WDR33: variants seen among roughly 807,000 people sequenced by gnomAD.
The protein encoded by WDR33 is WD repeat domain 33.
A neutral mutation model predicts 164.9 loss-of-function variants in WDR33; 47 were observed. The ratio of observed to expected loss-of-function variants is 0.29; its 90% CI spans 0.23 to 0.36. The LOEUF is 0.36. WDR33 is among the 10% of genes least tolerant of loss of function. The pLI, the probability that WDR33 is intolerant of heterozygous loss-of-function variation, is 1.00. For missense variants in WDR33, 1,137 were observed against 1,754.1 expected, an observed-to-expected ratio of 0.65 and a Z score of 6.28; for synonymous variants, 505 against 589.0, an observed-to-expected ratio of 0.86 and a Z score of 2.06.
intron 1 of WDR33, among the ~76,000 whole-genome samples, chr2:127,771,667 AT>A (rs1349336403): frequency 3.3e-5 from 5 of 152,054 alleles, no homozygotes; most frequent in African/African-American, 4.8e-5. Flanking sequence ...AGTCCTAGCT[AT>A]TTGGGAGGCT....
intron 7 of WDR33, among the ~76,000 whole-genome samples, chr2:127,743,292 GTAA>G (rs1361028532): frequency 2.0e-5 from 3 of 152,124 alleles, no homozygotes; most frequent in Admixed American, 6.5e-5. Flanking sequence ...AACAGGAAAG[GTAA>G]TAATAAATTG....
At position 127,725,042 on chromosome 2, in the gene WDR33, G is replaced by A. The variant is rs751827965; in HGVS notation, c.1006+19C>T. 4 of 1,613,874 alleles carry A rather than the reference G, an allele frequency of 2.5e-6. No individual in the cohort carries two copies. Among genetic ancestry groups the A allele is most frequent in the Admixed American group, 1.7e-5 (1 of 59,986 alleles). On this transcript the variant is annotated intron_variant, in intron 9 of 21. Coordinates refer to ENST00000322313, the MANE Select transcript of WDR33 (RefSeq NM_018383.5). ...TACAGGTAACAGTGGTCAATGAGAA[G>A]CATATCACAGCCACTGACCTGTGGC... is the stretch of plus-strand genomic sequence containing the variant.
At position 127,763,197 on chromosome 2, in the gene WDR33, G is replaced by A. The variant is rs1687728673; in HGVS notation, c.627-38C>T. 1.2e-6 allele frequency: 2 copies of A among 1,613,422 alleles called. No individual in the cohort carries two copies. Among genetic ancestry groups the A allele is most frequent in the Non-Finnish European group, 1.7e-6 (2 of 1,179,612 alleles). On this transcript the variant is annotated intron_variant, in intron 6 of 21. Transcript: ENST00000322313. The surrounding 1 kb of genome is among the most constrained non-coding windows in gnomAD (Gnocchi z 4.5). ...GACACACAGCAGGGGAAAGAAGTCA[G>A]CATTTAACAGATAATCTGTGCTTCT...
At chr2:127,754,159 T>C (rs1377161270) in intron 7 of WDR33, among the ~76,000 whole-genome samples, 1 of 152,238 alleles carries the variant, frequency 6.6e-6, no homozygotes, top group Non-Finnish European at 1.5e-5. Flanking sequence ...ATAGTGTTAA[T>C]AACATTATCC....
intron 7 of WDR33, among the ~76,000 whole-genome samples, chr2:127,745,729 G>C (rs770910392): frequency 3.3e-5 from 5 of 152,046 alleles, no homozygotes; most frequent in Admixed American, 6.6e-5. Flanking sequence ...CTACCAAAAA[G>C]TACAAGTGGA....
chr2:127,737,212 G>A (rs1686870161), intron 7 of WDR33: 2 of 985,228 alleles, frequency 2.0e-6, no homozygotes, highest in African/African-American at 3.5e-5. Flanking sequence ...CCTCAATTCT[G>A]TTGTATTCAT....
intron 1 of WDR33, among the ~76,000 whole-genome samples, chr2:127,791,577 T>C (rs1688846847): frequency 6.6e-6 from 1 of 152,118 alleles, no homozygotes; most frequent in Non-Finnish European, 1.5e-5. Flanking sequence ...CCCAACCTCA[T>C]GACCTCAGCT....
intron 18 of WDR33, among the ~76,000 whole-genome samples, chr2:127,711,780 A>ATATTTTTTTT: frequency 3.1e-4 from 27 of 88,300 alleles, no homozygotes; most frequent in African/African-American, 1.4e-3. Context: ...ATATATATAT[A>ATATTTTTTTT]TTTTTTTTTT....
intron 7 of WDR33, among the ~76,000 whole-genome samples, chr2:127,757,985 C>T (rs551337701): frequency 1.4e-4 from 21 of 152,042 alleles, no homozygotes; most frequent in Admixed American, 2.0e-4. Context: ...GTGGTGAGTA[C>T]GTAAGTGTTC....
intron 7 of WDR33, among the ~76,000 whole-genome samples, chr2:127,758,349 T>C (rs895513864): frequency 6.6e-6 from 1 of 152,190 alleles, no homozygotes; most frequent in Non-Finnish European, 1.5e-5. Context: ...GCATGAATAT[T>C]GGAGCCAAAC....
At chr2:127,769,357 G>T (rs1435424772) in intron 2 of WDR33, among the ~76,000 whole-genome samples, 1 of 152,068 alleles carries the variant, frequency 6.6e-6, no homozygotes, top group Non-Finnish European at 1.5e-5. Flanking sequence ...CTTGAACCAG[G>T]GAGGCGGAGG....
At chr2:127,707,892 T>G (rs1686057678) in intron 21 of WDR33, among the ~76,000 whole-genome samples, 1 of 151,746 alleles carries the variant, frequency 6.6e-6, no homozygotes, top group Admixed American at 6.6e-5. Context: ...GAGGCGGGGG[T>G]TGCTTGCAGT....
In WDR33 at chr2:127,770,156, A is replaced by T. The variant is rs1254882634; in HGVS notation, c.204+622T>A. Among the ~76,000 whole-genome samples, 1 of 152,200 alleles carries T rather than the reference A, an allele frequency of 6.6e-6. No homozygotes were observed. Among genetic ancestry groups the T allele is most frequent in the Non-Finnish European group, 1.5e-5 (1 of 68,026 alleles). ...CTGCAGGTTTAACAAGTGTTTTAAG[A>T]CTGGCCTAGCGATTAAAGTACTCCC... On this transcript the variant is annotated intron_variant, in intron 2 of 21. Transcript: ENST00000322313. The surrounding 1 kb of genome is among the most constrained non-coding windows in gnomAD (Gnocchi z 4.9).
intron 1 of WDR33, among the ~76,000 whole-genome samples, chr2:127,795,109 T>TTTTC (rs1024985725): frequency 6.7e-6 from 1 of 149,628 alleles, no homozygotes; most frequent in African/African-American, 2.5e-5. Flanking sequence ...TCTCTTTTTT[T>TTTTC]TTTTTTTTTG....
chr2:127,807,478 A>G (rs1305456121), intron 1 of WDR33, among the ~76,000 whole-genome samples: 1 of 152,216 alleles, frequency 6.6e-6, no homozygotes, highest in Non-Finnish European at 1.5e-5. Flanking sequence ...GGATCTGCTC[A>G]AAATGGTAAG....
intron 1 of WDR33, among the ~76,000 whole-genome samples, chr2:127,784,314 A>C (rs904283148): frequency 6.6e-6 from 1 of 152,178 alleles, no homozygotes; most frequent in Non-Finnish European, 1.5e-5. Context: ...ATTCTATGAT[A>C]CTCTTTCCCA....
rs1437022733 is a variant in WDR33, at chr2:127,702,300, C to G, written c.*4023G>C. On this transcript the variant is annotated 3_prime_UTR_variant, in exon 22 of 22. Transcript: ENST00000322313. The stretch of plus-strand genomic sequence containing the variant: ...GTGGCGAAGGCCCTGCCCTAACAGC[C>G]TGCGAGTCTAATCCGGGAGCGGCTG... The G allele has an allele frequency of 2.0e-6, 2 of 1,002,978 alleles. No individual in the cohort carries two copies. The highest frequency in any genetic ancestry group is 3.4e-5 in the African/African-American group (2 of 57,980). 62.1% of individuals were successfully genotyped at this position (1,002,978 alleles called of 1,614,324 possible). A position where few individuals can be genotyped will look rare whatever the true frequency, so the allele number is the denominator to read the frequency against.
Position 127,738,047 on chromosome 2 carries a change from A to G in WDR33, c.725-11270T>C. The G allele has an allele frequency of 6.2e-7, 1 of 1,612,920 alleles. No homozygotes were observed. Among genetic ancestry groups the G allele is most frequent in the Non-Finnish European group, 8.5e-7 (1 of 1,179,490 alleles). On this transcript the variant is annotated intron_variant, in intron 7 of 21. Transcript: ENST00000322313. The surrounding 1 kb of genome is among the most constrained non-coding windows in gnomAD (Gnocchi z 4.4). Reference sequence around the variant, plus strand: ...GGAAGTAACAACGGCAGTGATGAAAACATGTATCTATCAAAACAAGAAGGG... The same window carrying G: ...GGAAGTAACAACGGCAGTGATGAAAGCATGTATCTATCAAAACAAGAAGGG...
At chr2:127,767,245 C>A (rs1293678477) in intron 4 of WDR33, among the ~76,000 whole-genome samples, 1 of 152,078 alleles carries the variant, frequency 6.6e-6, no homozygotes, top group African/African-American at 2.4e-5. Context: ...TTTTCTCGGT[C>A]TCATTTTTTT....
Sources: gnomAD v4.1 joint callset for allele counts (sites outside exome capture counted in the v4.1 genomes callset) on GRCh38, gnomAD v4.1.1 for gene constraint, Gnocchi (gnomAD v3.1) non-coding constraint, MANE v1.5 for transcripts, NCBI Gene and HGNC (gene_info 2026-07-23, HGNC 2026-07-21) for gene names.